Variants in BICDL1 observed in about 807,000 individuals in gnomAD.
BICDL1 encodes the protein BICD family-like cargo adapter 1.
Under a neutral mutation model 76.8 loss-of-function variants are expected in BICDL1, and 20 were observed. The ratio of observed to expected loss-of-function variants is 0.26; its 90% CI spans 0.18 to 0.38. BICDL1 has a LOEUF of 0.38. Among genes scored for constraint, BICDL1 ranks in the 10% least tolerant of loss-of-function variants. The pLI, the probability that BICDL1 is intolerant of heterozygous loss-of-function variation, is 1.00. For missense variants in BICDL1, 700 were observed against 798.6 expected (o/e 0.88, Z 1.49); for synonymous variants, 383 against 337.1 (o/e 1.14, Z -1.49).
chr12:120,025,263 G>A (rs991608724), intron 2 of BICDL1, among the ~76,000 whole-genome samples: 1 of 151,552 alleles, frequency 6.6e-6, no homozygotes, highest in African/African-American at 2.4e-5. Flanking sequence ...TGTTAGCCAG[G>A]ATGGTCTTGA....
intron 2 of BICDL1, among the ~76,000 whole-genome samples, chr12:120,026,134 G>A (rs942183822): frequency 1.6e-4 from 24 of 152,122 alleles, no homozygotes; most frequent in African/African-American, 4.8e-4. Context: ...CACCGTGCCC[G>A]ACGCACATTT....
chr12:120,092,978 C>T (rs1875111045), intron 9 of BICDL1, 22 bp from the exon 10 acceptor site: 2 of 1,536,012 alleles, frequency 1.3e-6, no homozygotes, highest in African/African-American at 1.4e-5. Context: ...CAGTCCTGGC[C>T]ACTGTCCCCT....
chr12:119,990,399 C>T, intron 1 of BICDL1, 102 bp downstream of exon 1: 1 of 1,495,798 alleles, frequency 6.7e-7, no homozygotes, highest in African/African-American at 1.4e-5. Flanking sequence ...TCGTTGCTCA[C>T]CCTACCTCGC....
At chr12:120,074,318 C>T in intron 6 of BICDL1, 125 bp from the exon 7 acceptor site, 1 of 484,154 alleles carries the variant, frequency 2.1e-6, no homozygotes, top group Non-Finnish European at 2.7e-6. Flanking sequence ...TCTTTCCCCA[C>T]ATCATTCCTC....
At chr12:119,998,414 A>G in intron 1 of BICDL1, 107 bp from the exon 2 acceptor site, 1 of 892,066 alleles carries the variant, frequency 1.1e-6, no homozygotes, top group South Asian at 2.0e-5. Flanking sequence ...AGGGTGTTTT[A>G]TTGTGTCTAC....
chr12:120,088,749 C>T (rs182132123), intron 8 of BICDL1, among the ~76,000 whole-genome samples: 9 of 152,132 alleles, frequency 5.9e-5, no homozygotes, highest in Admixed American at 1.3e-4. Context: ...TTACTGCAAG[C>T]TCCGCCTCCC....
intron 2 of BICDL1, among the ~76,000 whole-genome samples, chr12:120,024,166 A>G (rs1278229470): frequency 1.3e-5 from 2 of 152,096 alleles, no homozygotes; most frequent in African/African-American, 4.8e-5. Context: ...TTGTAATCCC[A>G]GCTACTCAGG....
At chr12:119,999,665 T>G (rs1298379700) in intron 2 of BICDL1, 1 of 316,776 alleles carries the variant, frequency 3.2e-6, no homozygotes, top group African/African-American at 2.2e-5. Context: ...AGGTTGAGGC[T>G]AAATAGATGG....
intron 2 of BICDL1, among the ~76,000 whole-genome samples, chr12:120,027,452 A>G (rs780610737): frequency 6.6e-6 from 1 of 152,188 alleles, no homozygotes; most frequent in Non-Finnish European, 1.5e-5. Flanking sequence ...CTCATTTGAG[A>G]TTGAAAATGG....
intron 2 of BICDL1, among the ~76,000 whole-genome samples, chr12:120,018,368 T>A (rs977493194): frequency 2.6e-5 from 4 of 152,188 alleles, no homozygotes; most frequent in Non-Finnish European, 5.9e-5. Flanking sequence ...TTGAACAAAA[T>A]GGACTCTCTC....
At chr12:120,025,185 G>A (rs960967330) in intron 2 of BICDL1, among the ~76,000 whole-genome samples, 1 of 151,816 alleles carries the variant, frequency 6.6e-6, no homozygotes, top group Non-Finnish European at 1.5e-5. Context: ...CGAGTAGCTG[G>A]GACTACAGGC....
intron 2 of BICDL1, among the ~76,000 whole-genome samples, chr12:120,051,409 C>T (rs1392247680): frequency 6.6e-6 from 1 of 152,220 alleles, no homozygotes; most frequent in Admixed American, 6.5e-5. Context: ...TAGTCTATAT[C>T]TGATAATATC....
At chr12:120,045,500 C>T (rs540420412) in intron 2 of BICDL1, among the ~76,000 whole-genome samples, 40 of 152,104 alleles carry the variant, frequency 2.6e-4, no homozygotes, top group African/African-American at 7.7e-4. Context: ...TTCACAAGAG[C>T]GAAGATTTGG....
rs2138653716 is a variant in BICDL1, at chr12:120,008,235, T to C, written c.645+9499T>C. ...GTGCAGCAGCGCCATCATGGCTCACTATAGCCTTGACCTCCTGGGATCAGG... is the reference window on the plus strand; with the variant it reads ...GTGCAGCAGCGCCATCATGGCTCACCATAGCCTTGACCTCCTGGGATCAGG... On this transcript the variant is annotated intron_variant, in intron 2 of 9. Coordinates refer to ENST00000548673, the MANE Select transcript of BICDL1 (RefSeq NM_001367886.1). 3.6e-5 allele frequency among the ~76,000 whole-genome samples: 5 copies of C among 140,460 alleles called. No homozygotes were observed. In the South Asian group the frequency reaches 1.3e-3, roughly 36 times the overall value. 92.1% of individuals were successfully genotyped at this position (140,460 alleles called of 152,430 possible).
At chr12:120,013,748 C>T (rs1952006251) in intron 2 of BICDL1, among the ~76,000 whole-genome samples, 1 of 152,182 alleles carries the variant, frequency 6.6e-6, no homozygotes, top group Non-Finnish European at 1.5e-5. Context: ...AGGCGTGAGC[C>T]ACCGTGTCCA....
chr12:120,044,479 G>T (rs1486819546), intron 2 of BICDL1, among the ~76,000 whole-genome samples: 5 of 152,288 alleles, frequency 3.3e-5, no homozygotes, highest in African/African-American at 1.2e-4. Flanking sequence ...CCTGTTCTAA[G>T]TTAAAGTTTG....
At chr12:120,060,839 TC>T (rs1953088954) in intron 2 of BICDL1, among the ~76,000 whole-genome samples, 1 of 152,186 alleles carries the variant, frequency 6.6e-6, no homozygotes, top group Non-Finnish European at 1.5e-5. Context: ...ATTATCACCA[TC>T]CCACCTCCTC....
At chr12:119,995,465 T>A (rs1951623194) in intron 1 of BICDL1, among the ~76,000 whole-genome samples, 1 of 152,216 alleles carries the variant, frequency 6.6e-6, no homozygotes, top group African/African-American at 2.4e-5. Context: ...GGTTGGGCTC[T>A]TCACTAACAG....
chr12:120,089,850 A>G (rs1417217966), intron 8 of BICDL1, 101 bp from the exon 9 acceptor site: 1 of 1,421,288 alleles, frequency 7.0e-7, no homozygotes, highest in Non-Finnish European at 9.6e-7. Flanking sequence ...GTTCAGGGTC[A>G]GAGCCTGTTT....
Sources: gnomAD v4.1 joint callset for allele counts (sites outside exome capture counted in the v4.1 genomes callset) on GRCh38, gnomAD v4.1.1 for gene constraint, MANE v1.5 for transcripts, NCBI Gene and HGNC (gene_info 2026-07-23, HGNC 2026-07-21) for gene names.